Variants in GXYLT2 observed in about 807,000 individuals in gnomAD.
The protein encoded by GXYLT2 is glucoside xylosyltransferase 2.
Under a neutral mutation model 45.8 loss-of-function variants are expected in GXYLT2, and 53 were observed. The observed-to-expected ratio is 1.16, with a 90% CI of 0.93 to 1.46. The LOEUF is 1.46. Among genes scored for constraint, GXYLT2 ranks in the 40% most tolerant of loss-of-function variants. GXYLT2 has a pLI of 0.00. For missense variants in GXYLT2, 551 were observed against 544.4 expected, an observed-to-expected ratio of 1.01 and a Z score of -0.12; for synonymous variants, 219 against 214.2, an observed-to-expected ratio of 1.02 and a Z score of -0.19.
chr3:72,904,196 C>T (rs1420200059), intron 1 of GXYLT2, among the ~76,000 whole-genome samples: 1 of 152,228 alleles, frequency 6.6e-6, no homozygotes, highest in Non-Finnish European at 1.5e-5. Context: ...TCACCCATTC[C>T]CTGCCCAATC....
intron 2 of GXYLT2, among the ~76,000 whole-genome samples, chr3:72,915,840 A>C (rs1355133811): frequency 1.3e-5 from 2 of 152,002 alleles, no homozygotes; most frequent in Non-Finnish European, 2.9e-5. Context: ...CTCAAAAAAA[A>C]AAAAAGAGAG....
At chr3:72,928,991 G>C (rs2107110256) in intron 3 of GXYLT2, 2 of 1,126,226 alleles carry the variant, frequency 1.8e-6, no homozygotes, top group South Asian at 1.3e-5. Context: ...CCCAAGGCCC[G>C]CCGCCGCTCC....
chr3:72,971,309 A>T (rs182084020), intron 6 of GXYLT2, among the ~76,000 whole-genome samples: 1 of 152,330 alleles, frequency 6.6e-6, no homozygotes, highest in African/African-American at 2.4e-5. Context: ...GTTTTCATTC[A>T]GGCATTTCAA....
At chr3:72,925,301 G>A (rs762796326) in intron 3 of GXYLT2, among the ~76,000 whole-genome samples, 53 of 151,872 alleles carry the variant, frequency 3.5e-4, no homozygotes, top group Admixed American at 9.8e-4. Context: ...GGATTTTGGC[G>A]CATACCACCA....
intron 3 of GXYLT2, among the ~76,000 whole-genome samples, chr3:72,941,584 G>C (rs976024544): frequency 6.6e-6 from 1 of 151,986 alleles, no homozygotes; most frequent in Non-Finnish European, 1.5e-5. Context: ...AGTAATCTTA[G>C]CCCAACACCC....
chr3:72,899,962 G>A (rs936388550), intron 1 of GXYLT2, among the ~76,000 whole-genome samples: 9 of 152,122 alleles, frequency 5.9e-5, no homozygotes, highest in African/African-American at 2.2e-4. Flanking sequence ...AAAGAAGTGC[G>A]ATTTTCCATC....
chr3:72,967,945 C>A (rs928484094), intron 6 of GXYLT2, among the ~76,000 whole-genome samples: 1 of 152,134 alleles, frequency 6.6e-6, no homozygotes, highest in Non-Finnish European at 1.5e-5. Flanking sequence ...TTTTACTTAA[C>A]CAAATTTACT....
intron 5 of GXYLT2, among the ~76,000 whole-genome samples, chr3:72,966,497 C>T (rs1469641872): frequency 3.0e-5 from 4 of 135,154 alleles, no homozygotes; most frequent in African/African-American, 1.1e-4. Context: ...GATCTCACTC[C>T]GTCACAGGCT....
intron 3 of GXYLT2, among the ~76,000 whole-genome samples, chr3:72,937,472 G>T (rs988293016): frequency 1.3e-5 from 2 of 152,180 alleles, no homozygotes; most frequent in African/African-American, 4.8e-5. Context: ...CCCAGGCTGC[G>T]ATCTTTAGGT....
In GXYLT2 at chr3:72,888,461, C is replaced by T; in HGVS notation, c.228C>T (p.Arg76=). 2 of 1,238,672 alleles carry T rather than the reference C, an allele frequency of 1.6e-6. No homozygotes were observed. Among genetic ancestry groups the T allele is most frequent in the Non-Finnish European group, 2.0e-6 (2 of 986,710 alleles). The allele number at this position is 1,238,672 out of a possible 1,614,324, so 76.7% of individuals were successfully genotyped here. The change falls in exon 1 of 7, where the codon CGC becomes CGT. Residue 76 remains arginine, a synonymous_variant. Coordinates refer to ENST00000389617, the MANE Select transcript of GXYLT2 (RefSeq NM_001080393.2). The stretch of plus-strand genomic sequence containing the variant: ...GGAGGCGCCGGCCCCCGCGTCCGCG[C>T]CCCCGAGCGGGCCGCCGGGGCGCTG... The part of the protein sequence containing the change: ...GVRRRRPPRP[R]PRAGRRGAAR...
At chr3:72,959,703 C>T (rs1710732486) in intron 5 of GXYLT2, among the ~76,000 whole-genome samples, 1 of 151,868 alleles carries the variant, frequency 6.6e-6, no homozygotes, top group Non-Finnish European at 1.5e-5. Context: ...GGCACCATCT[C>T]GTCTGACTGC....
chr3:72,896,965 G>A (rs1391701419), intron 1 of GXYLT2, among the ~76,000 whole-genome samples: 1 of 152,042 alleles, frequency 6.6e-6, no homozygotes, highest in African/African-American at 2.4e-5. Flanking sequence ...GTTTTGGCAT[G>A]GATATAACAT....
At chr3:72,893,644 A>T (rs1709225942) in intron 1 of GXYLT2, among the ~76,000 whole-genome samples, 1 of 152,212 alleles carries the variant, frequency 6.6e-6, no homozygotes, top group African/African-American at 2.4e-5. Flanking sequence ...TGTTGAATGA[A>T]CTAATGAATG....
At position 72,896,611 on chromosome 3, in the gene GXYLT2, G is replaced by A. The variant is rs146136913; in HGVS notation, c.275+8103G>A. Among the ~76,000 whole-genome samples, 450 of 152,250 alleles carry A rather than the reference G, an allele frequency of 3.0e-3. 1 individual carries two copies. The highest frequency in any genetic ancestry group is 0.01 in the African/African-American group (417 of 41,546). On this transcript the variant is annotated intron_variant, in intron 1 of 6. Coordinates refer to ENST00000389617, the MANE Select transcript of GXYLT2 (RefSeq NM_001080393.2). ...AGACTGTAATCCCAGCACTTTGGGA[G>A]GCTGAGGCGGGCAGATCGCTTGAGA...
intron 4 of GXYLT2, 64 bp from the exon 5 acceptor site, chr3:72,957,165 G>C: frequency 1.3e-6 from 2 of 1,518,772 alleles, no homozygotes; most frequent in Non-Finnish European, 1.8e-6. Flanking sequence ...CCTTTACATT[G>C]TTTCTCAGTG....
chr3:72,923,674 A>G (rs1260355091), intron 3 of GXYLT2, among the ~76,000 whole-genome samples: 2 of 152,192 alleles, frequency 1.3e-5, no homozygotes, highest in Admixed American at 1.3e-4. Context: ...GCTTGAGTCT[A>G]GTAGGGCCTT....
chr3:72,951,922 A>T (rs1039610403), intron 3 of GXYLT2, among the ~76,000 whole-genome samples: 1 of 150,864 alleles, frequency 6.6e-6, no homozygotes, highest in Non-Finnish European at 1.5e-5. Context: ...GCTCACTGTA[A>T]CCTCTGCCTC....
chr3:72,957,005 A>C (rs781440420), intron 4 of GXYLT2, among the ~76,000 whole-genome samples: 3 of 147,742 alleles, frequency 2.0e-5, no homozygotes, highest in Non-Finnish European at 4.5e-5. Context: ...CATAGGTTCA[A>C]CTTTCAGTCC....
chr3:72,896,736 C>G (rs1011258538), intron 1 of GXYLT2, among the ~76,000 whole-genome samples: 1 of 152,010 alleles, frequency 6.6e-6, no homozygotes, highest in African/African-American at 2.4e-5. Flanking sequence ...GTAATCCCAG[C>G]TACTCTGGAG....
Sources: gnomAD v4.1 joint callset for allele counts (sites outside exome capture counted in the v4.1 genomes callset) on GRCh38, gnomAD v4.1.1 for gene constraint, MANE v1.5 for transcripts, NCBI Gene and HGNC (gene_info 2026-07-23, HGNC 2026-07-21) for gene names.